CSMD1: variants seen among roughly 807,000 people sequenced by gnomAD.
The protein encoded by CSMD1 is CUB and Sushi multiple domains 1.
Under a neutral mutation model 417.5 loss-of-function variants are expected in CSMD1, and 213 were observed. That is an observed-to-expected ratio of 0.51 (90% CI 0.46 to 0.57). The LOEUF (loss-of-function observed/expected upper bound fraction) is 0.57. CSMD1 is among the 20% of genes least tolerant of loss of function. The probability of loss-of-function intolerance (pLI) is 0.00; values close to 1 mark genes in which losing one functional copy is unlikely to be tolerated. For synonymous variants in CSMD1, 2,862 were observed against 1,736.8 expected, an observed-to-expected ratio of 1.65 and a Z score of -16.11; for missense variants, 6,923 against 4,529.7, an observed-to-expected ratio of 1.53 and a Z score of -15.17.
intron 1 of CSMD1, among the ~76,000 whole-genome samples, chr8:4,855,522 T>A (rs532154897): frequency 4.2e-4 from 64 of 151,888 alleles, no homozygotes; most frequent in Middle Eastern, 6.8e-3. Flanking sequence ...TTGAAAAAAA[T>A]TTAGAAGAAT....
intron 46 of CSMD1, among the ~76,000 whole-genome samples, chr8:3,102,490 G>C (rs1313289792): frequency 1.3e-5 from 2 of 152,170 alleles, no homozygotes; most frequent in Non-Finnish European, 2.9e-5. Flanking sequence ...AATGCTCCCT[G>C]TAACTGTCTG....
At chr8:4,532,094 G>A (rs1796847448) in intron 2 of CSMD1, among the ~76,000 whole-genome samples, 1 of 146,768 alleles carries the variant, frequency 6.8e-6, no homozygotes, top group South Asian at 2.2e-4. Flanking sequence ...CTCTGGAAGA[G>A]AAATCCTGCA....
At chr8:3,616,440 G>T (rs539706744) in intron 8 of CSMD1, among the ~76,000 whole-genome samples, 1 of 152,244 alleles carries the variant, frequency 6.6e-6, no homozygotes, top group South Asian at 2.1e-4. Context: ...TGAACTATGA[G>T]TCAATTAAAC....
chr8:3,729,084 G>A (rs1802664085), intron 6 of CSMD1, among the ~76,000 whole-genome samples: 1 of 152,340 alleles, frequency 6.6e-6, no homozygotes, highest in Non-Finnish European at 1.5e-5. Flanking sequence ...ATCTGAACAT[G>A]TCAGCCAGGG....
rs60539199 is a variant in CSMD1 at position 4,851,174 on chromosome 8, C to T, written c.85+143158G>A. Among the ~76,000 whole-genome samples the T allele has an allele frequency of 6.8e-5, 10 of 147,118 alleles. No homozygotes were observed. The East Asian group carries it at 1.8e-3, about 27-fold the overall frequency. ...TCCATGTGTTATTATTCAATTCCCA[C>T]CTATGAGTGAAAATATGCAGTGTTT... On this transcript the variant is annotated intron_variant, in intron 1 of 69. Coordinates refer to ENST00000635120, the MANE Select transcript of CSMD1 (RefSeq NM_033225.6).
chr8:4,559,711 C>T (rs575035710), intron 2 of CSMD1, among the ~76,000 whole-genome samples: 4 of 152,326 alleles, frequency 2.6e-5, no homozygotes, highest in African/African-American at 7.2e-5. Flanking sequence ...AAAGATGCTG[C>T]GTAGCAGCTC....
At chr8:3,458,009 C>A (rs879804628) in intron 12 of CSMD1, among the ~76,000 whole-genome samples, 1 of 152,154 alleles carries the variant, frequency 6.6e-6, no homozygotes, top group Non-Finnish European at 1.5e-5. Context: ...TTTCATAATT[C>A]GCAAATATCA....
At chr8:3,219,108 G>T in intron 29 of CSMD1, 147 bp downstream of exon 29, 1 of 602,798 alleles carries the variant, frequency 1.7e-6, no homozygotes, top group Non-Finnish European at 2.8e-6. Context: ...ACTGGAGAGG[G>T]AGGAGACATG....
chr8:4,127,281 C>T lies in CSMD1; in HGVS notation c.416-95182G>A, dbSNP rs574852693. Among the ~76,000 whole-genome samples, 20 of 151,902 alleles carry T rather than the reference C, an allele frequency of 1.3e-4. No homozygotes were observed. In the East Asian group the frequency reaches 2.5e-3, roughly 19 times the overall value. ...GGCCCCGCTCCAGGTTATTCTCATGCGGCTCCCTCTGCTTTTCAGATTTCT... is the reference window on the plus strand; with the variant it reads ...GGCCCCGCTCCAGGTTATTCTCATGTGGCTCCCTCTGCTTTTCAGATTTCT... On this transcript the variant is annotated intron_variant, in intron 3 of 69. Coordinates refer to ENST00000635120, the MANE Select transcript of CSMD1 (RefSeq NM_033225.6).
chr8:4,547,486 T>G (rs1797688229), intron 2 of CSMD1, among the ~76,000 whole-genome samples: 1 of 152,196 alleles, frequency 6.6e-6, no homozygotes, highest in African/African-American at 2.4e-5. Context: ...CAGCCCACAT[T>G]TCTGGCCTCT....
chr8:3,498,709 G>C (rs745360323), intron 10 of CSMD1, among the ~76,000 whole-genome samples: 2 of 151,986 alleles, frequency 1.3e-5, no homozygotes, highest in African/African-American at 2.4e-5. Context: ...TTTTTTGTCT[G>C]ACTGGCTTAT....
At chr8:3,529,162 C>T (rs565432345) in intron 10 of CSMD1, among the ~76,000 whole-genome samples, 11 of 152,240 alleles carry the variant, frequency 7.2e-5, no homozygotes, top group Non-Finnish European at 1.0e-4. Context: ...ACAATACATA[C>T]GCTACTGATT....
At chr8:4,420,450 G>T (rs1387621541) in intron 2 of CSMD1, among the ~76,000 whole-genome samples, 1 of 151,948 alleles carries the variant, frequency 6.6e-6, no homozygotes, top group Non-Finnish European at 1.5e-5. Flanking sequence ...GTGCGTCATG[G>T]TGGTTTGCTG....
At chr8:3,286,083 T>G (rs1191549739) in intron 25 of CSMD1, among the ~76,000 whole-genome samples, 1 of 152,082 alleles carries the variant, frequency 6.6e-6, no homozygotes, top group Non-Finnish European at 1.5e-5. Context: ...GGCGTTTGGT[T>G]TTTTGTCCTT....
chr8:3,644,869 G>C (rs551759742), intron 7 of CSMD1, among the ~76,000 whole-genome samples: 2 of 150,712 alleles, frequency 1.3e-5, no homozygotes, highest in East Asian at 3.9e-4. Flanking sequence ...GATTGCTGTT[G>C]GGTGCATCTG....
chr8:4,804,187 T>A (rs1359442666), intron 1 of CSMD1, among the ~76,000 whole-genome samples: 1 of 152,170 alleles, frequency 6.6e-6, no homozygotes, highest in Non-Finnish European at 1.5e-5. Context: ...AATAATGAAT[T>A]AATTTTCAGG....
intron 3 of CSMD1, among the ~76,000 whole-genome samples, chr8:4,124,506 G>A (rs1328611078): frequency 6.6e-6 from 1 of 152,178 alleles, no homozygotes; most frequent in Admixed American, 6.5e-5. Flanking sequence ...ACTGCCCCTT[G>A]AGTGTGTCTT....
rs568661928 is a variant in CSMD1, at chr8:3,691,653, G to A, written c.1009+16761C>T. On this transcript the variant is annotated intron_variant, in intron 7 of 69. Coordinates refer to ENST00000635120, the MANE Select transcript of CSMD1 (RefSeq NM_033225.6). Reference sequence around the variant, plus strand: ...TGACAGTGTTCCTAAGTACCCTTTCGTGGCAGGCACTGGGCTAAGTATTTT... The same window carrying A: ...TGACAGTGTTCCTAAGTACCCTTTCATGGCAGGCACTGGGCTAAGTATTTT... 5.2e-4 allele frequency among the ~76,000 whole-genome samples: 79 copies of A among 152,164 alleles called. No homozygotes were observed. The South Asian group carries it at 0.012, about 24-fold the overall frequency.
chr8:3,256,522 A>G (rs1800668551), intron 26 of CSMD1, among the ~76,000 whole-genome samples: 1 of 152,208 alleles, frequency 6.6e-6, no homozygotes, highest in African/African-American at 2.4e-5. Flanking sequence ...CTCCTTTAGG[A>G]TTTATTGCAT....
Sources: allele counts gnomAD v4.1 joint callset (sites outside exome capture counted in the v4.1 genomes callset), GRCh38; gene constraint gnomAD v4.1.1; transcripts MANE v1.5; gene names NCBI Gene and HGNC (gene_info 2026-07-23, HGNC 2026-07-21).